The following GAL3ST3 variants were observed in gnomAD, a reference collection of about 807,000 sequenced individuals.
The protein encoded by GAL3ST3 is beta-galactose-3-O-sulfotransferase 3.
Under a neutral mutation model 20.8 loss-of-function variants are expected in GAL3ST3, and 21 were observed. The ratio of observed to expected loss-of-function variants is 1.01; its 90% CI spans 0.72 to 1.45. The LOEUF is 1.45. GAL3ST3 is among the 40% of genes most tolerant of loss of function. The pLI, the probability that GAL3ST3 is intolerant of heterozygous loss-of-function variation, is 0.00. For synonymous variants in GAL3ST3, 355 were observed against 307.2 expected (o/e 1.16, Z -1.63); for missense variants, 739 against 662.7 (o/e 1.12, Z -1.26).
chr11:66,042,610 T>C lies in GAL3ST3; in HGVS notation c.1193A>G (p.Lys398Arg), dbSNP rs1362912042. The change falls in exon 3 of 3, where the codon AAG becomes AGG. Residue 398 changes from lysine (K) to arginine (R), a missense_variant. Lys to Arg is a conservative substitution (Grantham distance 26). Transcript: ENST00000312006. ...EVQYSNYLLRKQKRRGGARAR... is the reference protein window; with the variant it reads ...EVQYSNYLLRRQKRRGGARAR... ...CCGCGCACCGCCCCGGCGCTTCTGC[T>C]TGCGCAACAGGTAGTTCGAGTACTG... 1 of 1,537,040 alleles carries C rather than the reference T, an allele frequency of 6.5e-7. No homozygotes were observed. Among genetic ancestry groups the C allele is most frequent in the Non-Finnish European group, 8.7e-7 (1 of 1,147,502 alleles).
rs1194125727 is a variant in GAL3ST3 at position 66,045,324 on chromosome 11, C to T, written c.92G>A (p.Ser31Asn). The change falls in exon 2 of 3, where the codon AGC (serine) becomes AAC (asparagine). Residue 31 changes from serine to asparagine, a missense_variant. Coordinates refer to ENST00000312006, the MANE Select transcript of GAL3ST3 (RefSeq NM_033036.3). ...LLLVLGCSTV[S>N]LLIHQGAQLS... ...CTGCGCCCCCTGGTGGATGAGAAGG[C>T]TTACGGTGCTGCACCCTAGCACCAG... 2.5e-6 allele frequency: 4 copies of T among 1,600,142 alleles called. No homozygotes were observed. Among genetic ancestry groups the T allele is most frequent in the Non-Finnish European group, 3.4e-6 (4 of 1,172,882 alleles).
At chr11:66,046,203 T>C (rs534629937) in intron 1 of GAL3ST3, among the ~76,000 whole-genome samples, 14 of 152,326 alleles carry the variant, frequency 9.2e-5, no homozygotes, top group African/African-American at 3.4e-4. Flanking sequence ...TCATACCTGC[T>C]GTTTCTGGCT....
At chr11:66,046,083 C>G (rs192542094) in intron 1 of GAL3ST3, among the ~76,000 whole-genome samples, 58 of 152,288 alleles carry the variant, frequency 3.8e-4, no homozygotes, top group African/African-American at 1.4e-3. Context: ...TAGTCCTCAC[C>G]ACAGCCCTGA....
chr11:66,043,228 C>T lies in GAL3ST3; in HGVS notation c.575G>A (p.Arg192His). The T allele has an allele frequency of 6.2e-7, 1 of 1,612,402 alleles. No individual in the cohort carries two copies. Among genetic ancestry groups the T allele is most frequent in the Non-Finnish European group, 8.5e-7 (1 of 1,179,464 alleles). Residue 192 changes from arginine (R) to histidine (H), a missense_variant, in exon 3 of 3, where the codon CGC becomes CAC. Arg to His is a conservative substitution (Grantham distance 29). Transcript: ENST00000312006. ...GAACATGGCGAAGTGCTCGCCAGCG[C>T]GGTAGTATGCCTCGGGCGCGCGCAG... ...AFLRAPEAYYRAGEHFAMFAH... is the reference protein window; with the variant it reads ...AFLRAPEAYYHAGEHFAMFAH...
At position 66,042,895 on chromosome 11, in the gene GAL3ST3, G is replaced by A. The variant is rs1471672516; in HGVS notation, c.908C>T (p.Ala303Val). ...GCGCGCCACGTGGCGCCAGAAGGTG[G>A]CGTTGAAGTGGTCGTAGAGGCCGGC... is the stretch of plus-strand genomic sequence containing the variant. ...LDAGLYDHFN[A>V]TFWRHVARAG... Residue 303 changes from alanine (A) to valine (V), a missense_variant, in exon 3 of 3, where the codon GCC (alanine) becomes GTC (valine). Ala to Val is a moderately conservative substitution (Grantham distance 64). Coordinates refer to ENST00000312006, the MANE Select transcript of GAL3ST3 (RefSeq NM_033036.3). 4.2e-6 allele frequency: 5 copies of A among 1,202,936 alleles called. No individual in the cohort carries two copies. The South Asian group carries it at 7.4e-5, about 18-fold the overall frequency. 74.5% of individuals were successfully genotyped at this position (1,202,936 alleles called of 1,614,324 possible). A position where few individuals can be genotyped will look rare whatever the true frequency, so the allele number is the denominator to read the frequency against.
Position 66,043,604 on chromosome 11 carries a change from C to G in GAL3ST3, c.199G>C (p.Ala67Pro), listed in dbSNP as rs762038102. 8 of 1,612,700 alleles carry G rather than the reference C, an allele frequency of 5.0e-6. No individual in the cohort carries two copies. In the South Asian group the frequency reaches 8.8e-5, roughly 18 times the overall value. ...GCCGTCTTGTGAGTCTTCAGGAAGG[C>G]CACAGTCATGTGCTTGGGGCGCGGC... ...SPPRPKHMTV[A>P]FLKTHKTAGT... Residue 67 changes from alanine (A) to proline (P), a missense_variant, in exon 3 of 3, where the codon GCC becomes CCC. Ala to Pro is a conservative substitution (Grantham distance 27). Coordinates refer to ENST00000312006, the MANE Select transcript of GAL3ST3 (RefSeq NM_033036.3).
intron 1 of GAL3ST3, among the ~76,000 whole-genome samples, chr11:66,047,081 G>A (rs141912255): frequency 1.8e-4 from 28 of 152,328 alleles, no homozygotes; most frequent in African/African-American, 6.7e-4. Context: ...CAAGGGTAAA[G>A]GGTCCAGCCA....
chr11:66,043,840 A>G (rs564005153), intron 2 of GAL3ST3, among the ~76,000 whole-genome samples, 163 bp from the exon 3 acceptor site: 27 of 152,290 alleles, frequency 1.8e-4, no homozygotes, highest in Admixed American at 9.1e-4. Context: ...GATGCCCTCT[A>G]TGATCCCTGC....
rs1431443744 is a variant in GAL3ST3, at chr11:66,042,909, G to A, written c.894C>T (p.Tyr298=). Residue 298 remains tyrosine, a synonymous_variant, in exon 3 of 3, where the codon TAC becomes TAT. Coordinates refer to ENST00000312006, the MANE Select transcript of GAL3ST3 (RefSeq NM_033036.3). ...RTWNALDAGL[Y]DHFNATFWRH... ...GCCAGAAGGTGGCGTTGAAGTGGTC[G>A]TAGAGGCCGGCGTCCAGGGCGTTCC... The A allele has an allele frequency of 3.3e-6, 4 of 1,219,696 alleles. No homozygotes were observed. Among genetic ancestry groups the A allele is most frequent in the Non-Finnish European group, 4.1e-6 (4 of 969,508 alleles). 75.6% of individuals were successfully genotyped at this position (1,219,696 alleles called of 1,614,324 possible). A position where few individuals can be genotyped will look rare whatever the true frequency, so the allele number is the denominator to read the frequency against.
rs1856723073 is a variant in GAL3ST3 at position 66,042,782 on chromosome 11, G to C, written c.1021C>G (p.Leu341Val). The part of the protein sequence containing the change: ...LLRRCFGDEP[L>V]LRPAAQIRTK... ...CGGATCTGCGCGGCAGGCCGCAGCA[G>C]TGGCTCGTCCCCGAAGCAGCGCCGC... Residue 341 changes from leucine to valine, a missense_variant, in exon 3 of 3, where the codon CTG becomes GTG. Coordinates refer to ENST00000312006, the MANE Select transcript of GAL3ST3 (RefSeq NM_033036.3). 1.3e-6 allele frequency: 2 copies of C among 1,498,258 alleles called. No individual in the cohort carries two copies. The highest frequency in any genetic ancestry group is 8.8e-7 in the Non-Finnish European group (1 of 1,133,196). The allele number at this position is 1,498,258 out of a possible 1,614,324, so 92.8% of individuals were successfully genotyped here.
rs1042767719 is a variant in GAL3ST3 at position 66,041,812 on chromosome 11, A to T, written c.*695T>A. On this transcript the variant is annotated 3_prime_UTR_variant, in exon 3 of 3. Transcript: ENST00000312006. ...GGCCCAGTCGGTCAAGCGGTTGAGG[A>T]GGGTTGTAGGCCTATGCCAGGTGGC... 1.3e-5 allele frequency: 2 copies of T among 152,218 alleles called. No homozygotes were observed. The highest frequency in any genetic ancestry group is 4.8e-5 in the African/African-American group (2 of 41,438). The allele number at this position is 152,218 out of a possible 1,614,324, so 9.4% of individuals were successfully genotyped here.
Position 66,042,415 on chromosome 11 carries a change from AGGGCTCTCATGG to A in GAL3ST3, c.*80_*91del. ...AGGGACTCAAGCCCCTTGAAAAGAA[AGGGCTCTCATGG>A]GGGCAGGACATGGAGGCAGCCCCTG... On this transcript the variant is annotated 3_prime_UTR_variant, in exon 3 of 3. Transcript: ENST00000312006. 1 of 997,474 alleles carries A rather than the reference AGGGCTCTCATGG, an allele frequency of 1.0e-6. No individual in the cohort carries two copies. The highest frequency in any genetic ancestry group is 1.4e-6 in the Non-Finnish European group (1 of 718,756). The allele number at this position is 997,474 out of a possible 1,614,324, so 61.8% of individuals were successfully genotyped here.
rs1278459101 is a variant in GAL3ST3, at chr11:66,040,911, C to T, written c.*1596G>A. ...TTTTCAAGCCCAGCGTGTCATGCAT[C>T]CTGCCAATCAATCACTGTAATGTCC... On this transcript the variant is annotated 3_prime_UTR_variant, in exon 3 of 3. Transcript: ENST00000312006. Among the ~76,000 whole-genome samples the T allele has an allele frequency of 1.3e-5, 2 of 152,198 alleles. No individual in the cohort carries two copies. Among genetic ancestry groups the T allele is most frequent in the African/African-American group, 2.4e-5 (1 of 41,426 alleles).
rs1590701022 is a variant in GAL3ST3 at position 66,045,345 on chromosome 11, A to C, written c.71T>G (p.Val24Gly). 1 of 1,607,590 alleles carries C rather than the reference A, an allele frequency of 6.2e-7. No homozygotes were observed. The highest frequency in any genetic ancestry group is 1.7e-5 in the Admixed American group (1 of 59,314). ...AAGGCTTACGGTGCTGCACCCTAGC[A>C]CCAGCAGCAGGATTTTCCGGCGGCT... ...MMSRRKILLL[V>G]LGCSTVSLLI... The change falls in exon 2 of 3, where the codon GTG becomes GGG. Residue 24 changes from valine (V) to glycine (G), a missense_variant. Coordinates refer to ENST00000312006, the MANE Select transcript of GAL3ST3 (RefSeq NM_033036.3).
chr11:66,042,598 C>G lies in GAL3ST3; in HGVS notation c.1205G>C (p.Arg402Pro). 1 of 1,536,764 alleles carries G rather than the reference C, an allele frequency of 6.5e-7. No homozygotes were observed. The highest frequency in any genetic ancestry group is 8.7e-7 in the Non-Finnish European group (1 of 1,147,472). The change falls in exon 3 of 3, where the codon CGG becomes CCG. Residue 402 changes from arginine (R) to proline (P), a missense_variant. By Grantham distance (103) the Arg-to-Pro change is moderately radical. Transcript: ENST00000312006. ...CTCGGGCCGAGCCCGCGCACCGCCC[C>G]GGCGCTTCTGCTTGCGCAACAGGTA... ...SNYLLRKQKR[R>P]GGARARPEPV...
rs1856736787 is a variant in GAL3ST3, at chr11:66,043,172, C to A, written c.631G>T (p.Gly211Cys). The A allele has an allele frequency of 6.2e-7, 1 of 1,611,976 alleles. No individual in the cohort carries two copies. The highest frequency in any genetic ancestry group is 2.2e-5 in the East Asian group (1 of 44,814). ...TCGCGCGGGCTGCGCTCATTGTCGC[C>A]GCCCAGGTCGTAGGCCAGCGTGTTG... Reference protein sequence around the residue: ...AHNTLAYDLGGDNERSPRDDA... With the variant: ...AHNTLAYDLGCDNERSPRDDA... The change falls in exon 3 of 3, where the codon GGC becomes TGC. Residue 211 changes from glycine to cysteine, a missense_variant. Transcript: ENST00000312006.
intron 1 of GAL3ST3, among the ~76,000 whole-genome samples, chr11:66,047,406 C>G (rs1292644762): frequency 2.0e-5 from 3 of 152,228 alleles, no homozygotes; most frequent in African/African-American, 7.2e-5. Context: ...TATGGGGGAC[C>G]TTTCCCGAGG....
chr11:66,045,265 G>GC (rs763995631), intron 2 of GAL3ST3, 26 bp downstream of exon 2: 16 of 1,496,816 alleles, frequency 1.1e-5, no homozygotes, highest in African/African-American at 8.5e-5. Context: ...GGGAGCTCCG[G>GC]CCCCCCTGGG....
At chr11:66,046,414 TC>T (rs1425934257) in intron 1 of GAL3ST3, among the ~76,000 whole-genome samples, 3 of 152,158 alleles carry the variant, frequency 2.0e-5, no homozygotes, top group African/African-American at 4.8e-5. Context: ...CTGGATTCCA[TC>T]CCCAGACACC....
Sources: allele counts gnomAD v4.1 joint callset (sites outside exome capture counted in the v4.1 genomes callset), GRCh38; gene constraint gnomAD v4.1.1; transcripts MANE v1.5; gene names NCBI Gene and HGNC (gene_info 2026-07-23, HGNC 2026-07-21).